Variants in LRRC9 observed in about 807,000 individuals in gnomAD.
LRRC9 encodes the protein leucine-rich repeat-containing protein 9.
LRRC9 carries 122 observed loss-of-function variants against 63.2 expected under a neutral mutation model. The ratio of observed to expected loss-of-function variants is 1.93; its 90% confidence interval spans 1.67 to 2.24. LRRC9 has a LOEUF of 2.24. Ranked by LOEUF, LRRC9 falls within the 30% of genes most tolerant of loss-of-function variation. LRRC9 has a pLI of 0.00. For missense variants in LRRC9, 1,071 were observed against 627.7 expected, an observed-to-expected ratio of 1.71 and a Z score of -7.55; for synonymous variants, 366 against 213.1, an observed-to-expected ratio of 1.72 and a Z score of -6.25.
rs1881950443 is a variant in LRRC9 at position 59,942,996 on chromosome 14, A to C, written c.727-1593A>C. 7.0e-6 allele frequency among the ~76,000 whole-genome samples: 1 copy of C among 143,788 alleles called. No individual in the cohort carries two copies. The highest frequency in any genetic ancestry group is 2.6e-5 in the African/African-American group (1 of 37,844). 94.3% of individuals were successfully genotyped at this position (143,788 alleles called of 152,430 possible). ...GTGTGTGTTTCATTTGTGTGTGCGT[A>C]TGTGTTGGTTTTTTTGTATTTTGTT... is the stretch of plus-strand genomic sequence containing the variant. On this transcript the variant is annotated intron_variant, in intron 7 of 31. Transcript: ENST00000445360. This position sits in a 1 kb window ranked among gnomAD's most constrained non-coding sequence, Gnocchi z 5.3.
rs544786262 is a variant in LRRC9, at chr14:59,953,061, A to C, written c.883-6757A>C. On this transcript the variant is annotated intron_variant, in intron 8 of 31. Coordinates refer to ENST00000445360, the Ensembl canonical transcript of LRRC9. ...ATTTTCTTTATCCAGTCTATCACTG[A>C]TGGGCATTTGTGTTGGTTCCAAGCC... Among the ~76,000 whole-genome samples the C allele has an allele frequency of 7.9e-5, 12 of 152,330 alleles. No homozygotes were observed. The South Asian group carries it at 2.5e-3, about 32-fold the overall frequency.
intron 7 of LRRC9, among the ~76,000 whole-genome samples, chr14:59,940,157 T>C (rs965826293): frequency 1.1e-4 from 16 of 152,136 alleles, no homozygotes; most frequent in African/African-American, 3.9e-4. Flanking sequence ...AAAAAAGGAA[T>C]TGTTAGACAG....
chr14:60,053,223 T>C lies in LRRC9; in HGVS notation c.4131+18T>C. The C allele has an allele frequency of 1.5e-6, 1 of 687,726 alleles. No individual in the cohort carries two copies. Among genetic ancestry groups the C allele is most frequent in the Non-Finnish European group, 2.6e-6 (1 of 377,810 alleles). 42.6% of individuals were successfully genotyped at this position (687,726 alleles called of 1,614,324 possible). On this transcript the variant is annotated intron_variant, in intron 30 of 31. Transcript: ENST00000445360. This position sits in a 1 kb window ranked among gnomAD's most constrained non-coding sequence, Gnocchi z 4.8. ...AAAACTCGGTAATAATTATATTATT[T>C]ACAATTTTCCTTTTGAAGCACATTA...
At chr14:60,050,849 T>TG (rs1193711367) in intron 29 of LRRC9, among the ~76,000 whole-genome samples, 1 of 152,204 alleles carries the variant, frequency 6.6e-6, no homozygotes, top group Non-Finnish European at 1.5e-5. Flanking sequence ...TGCAGTTTGC[T>TG]GGGGGTCCAC....
intron 8 of LRRC9, among the ~76,000 whole-genome samples, chr14:59,947,915 G>A (rs1411458311): frequency 1.4e-4 from 22 of 151,824 alleles, no homozygotes; most frequent in African/African-American, 4.6e-4. Context: ...CTGTAGCCTT[G>A]TAGTATAGTT....
At chr14:59,931,774 C>CT (rs1889724169) in intron 5 of LRRC9, 92 bp downstream of exon 5, 6 of 615,092 alleles carry the variant, frequency 9.8e-6, no homozygotes, top group Middle Eastern at 8.0e-4. Context: ...TTCTTTTAGG[C>CT]TTTTTTCTGT....
chr14:59,978,621 ATG>A (rs1161802410), intron 15 of LRRC9, among the ~76,000 whole-genome samples: 1 of 152,154 alleles, frequency 6.6e-6, no homozygotes, highest in Non-Finnish European at 1.5e-5. Flanking sequence ...GTACATATAG[ATG>A]GGTATTTCAT....
chr14:60,055,661 G>A (rs766871115), intron 30 of LRRC9, among the ~76,000 whole-genome samples: 4 of 151,764 alleles, frequency 2.6e-5, no homozygotes, highest in Non-Finnish European at 5.9e-5. Flanking sequence ...GGGAAGCTGA[G>A]GCAGGTGGAT....
rs1307172286 is a variant in LRRC9, at chr14:59,958,028, T to C, written c.883-1790T>C. 6.6e-6 allele frequency among the ~76,000 whole-genome samples: 1 copy of C among 152,226 alleles called. No individual in the cohort carries two copies. The highest frequency in any genetic ancestry group is 2.4e-5 in the African/African-American group (1 of 41,464). ...TCATCCTGAAGGAGCACTGGCCTGA[T>C]GCCAACCAGAGCTCTCCTGTATGAG... On this transcript the variant is annotated intron_variant, in intron 8 of 31. Transcript: ENST00000445360. This position sits in a 1 kb window ranked among gnomAD's most constrained non-coding sequence, Gnocchi z 4.0.
At chr14:59,933,119 T>C (rs945924273) in intron 6 of LRRC9, among the ~76,000 whole-genome samples, 4 of 152,280 alleles carry the variant, frequency 2.6e-5, no homozygotes, top group Admixed American at 2.6e-4. Context: ...GCATGGCTCA[T>C]TTCATCGTTT....
chr14:60,058,163 G>A lies in LRRC9; in HGVS notation c.4276+141G>A, dbSNP rs1456382798. 2.2e-6 allele frequency: 1 copy of A among 453,538 alleles called. No homozygotes were observed. Among genetic ancestry groups the A allele is most frequent in the Non-Finnish European group, 4.0e-6 (1 of 251,970 alleles). The allele number at this position is 453,538 out of a possible 1,614,324, so 28.1% of individuals were successfully genotyped here. A position where few individuals can be genotyped will look rare whatever the true frequency, so the allele number is the denominator to read the frequency against. ...TTGCATGTTTGCTCAAGTTTCCTATGGCCATTTTGATTTCAGAGATTATAG... is the reference window on the plus strand; with the variant it reads ...TTGCATGTTTGCTCAAGTTTCCTATAGCCATTTTGATTTCAGAGATTATAG... On this transcript the variant is annotated intron_variant, in intron 31 of 31. Transcript: ENST00000445360. The surrounding 1 kb of genome is among the most constrained non-coding windows in gnomAD (Gnocchi z 4.4).
intron 12 of LRRC9, among the ~76,000 whole-genome samples, chr14:59,967,921 G>A (rs960650470): frequency 1.3e-5 from 2 of 152,142 alleles, no homozygotes; most frequent in Admixed American, 6.5e-5. Context: ...CAGAGTTGTT[G>A]TTAGGATTTA....
intron 29 of LRRC9, among the ~76,000 whole-genome samples, chr14:60,033,251 T>C (rs979593617): frequency 2.4e-4 from 37 of 152,140 alleles, no homozygotes; most frequent in Non-Finnish European, 1.5e-5. Context: ...GTATAGATTA[T>C]TATCTGCAAA....
At chr14:59,985,202 G>A (rs1159363695) in exon 17 of LRRC9, 6 of 683,216 alleles carry the variant, frequency 8.8e-6, no homozygotes, top group East Asian at 8.1e-5. Context: ...GAATTTACCT[G>A]TTTAGATGAT....
intron 30 of LRRC9, among the ~76,000 whole-genome samples, chr14:60,054,220 C>T (rs1205792010): frequency 2.0e-5 from 3 of 152,198 alleles, no homozygotes; most frequent in Non-Finnish European, 4.4e-5. Context: ...CCTCTCTAGT[C>T]CACTTCTCCC....
In LRRC9 at chr14:59,986,372, C is replaced by A. The variant is rs1304152905; in HGVS notation, c.2211+1148C>A. Among the ~76,000 whole-genome samples the A allele has an allele frequency of 1.3e-5, 2 of 152,162 alleles. No individual in the cohort carries two copies. Among genetic ancestry groups the A allele is most frequent in the African/African-American group, 4.8e-5 (2 of 41,446 alleles). The stretch of plus-strand genomic sequence containing the variant: ...TTATTCCAGCTCCTTGCTACTATAT[C>A]AAAGCCTTTACATTATTTCTTCTAC... On this transcript the variant is annotated intron_variant, in intron 17 of 31. Transcript: ENST00000445360. The surrounding 1 kb of genome is among the most constrained non-coding windows in gnomAD (Gnocchi z 4.7).
chr14:60,047,854 C>T lies in LRRC9; in HGVS notation c.3991-5211C>T, dbSNP rs79862833. 3.0e-3 allele frequency among the ~76,000 whole-genome samples: 459 copies of T among 152,274 alleles called. 3 individuals are homozygous for T. Among genetic ancestry groups the T allele is most frequent in the African/African-American group, 0.011 (438 of 41,562 alleles). On this transcript the variant is annotated intron_variant, in intron 29 of 31. Transcript: ENST00000445360. ...GCAACAAAATATACATTCTCATTGC[C>T]TCATGGCACTTACTCAAAAATTAAT...
chr14:59,995,250 A>G (rs1888634914), intron 17 of LRRC9, among the ~76,000 whole-genome samples: 1 of 152,238 alleles, frequency 6.6e-6, no homozygotes, highest in Admixed American at 6.5e-5. Context: ...TCAGGAAAAG[A>G]GAATATCTGG....
chr14:59,940,265 T>C (rs1881618406), intron 7 of LRRC9, among the ~76,000 whole-genome samples: 1 of 152,174 alleles, frequency 6.6e-6, no homozygotes, highest in Non-Finnish European at 1.5e-5. Flanking sequence ...ATATATACTA[T>C]AGTCCAACTT....
Sources: allele counts gnomAD v4.1 joint callset (sites outside exome capture counted in the v4.1 genomes callset), GRCh38; gene constraint gnomAD v4.1.1; non-coding constraint Gnocchi (gnomAD v3.1); transcripts MANE v1.5; gene names NCBI Gene and HGNC (gene_info 2026-07-23, HGNC 2026-07-21).